WNK3: variants seen among roughly 807,000 people sequenced by gnomAD.
WNK3 encodes serine/threonine-protein kinase WNK3.
Under a neutral mutation model 116.7 loss-of-function variants are expected in WNK3, and 18 were observed. The observed-to-expected ratio is 0.15, with a 90% CI of 0.11 to 0.23. The LOEUF is 0.23. Ranked by LOEUF, WNK3 falls within the 10% of genes least tolerant of loss-of-function variation. The pLI is 1.00. For synonymous variants in WNK3, 404 were observed against 469.4 expected (o/e 0.86, Z 1.80); for missense variants, 993 against 1,323.8 (o/e 0.75, Z 3.88).
At chrX:54,270,582 T>A (rs1039692537) in intron 10 of WNK3, among the ~76,000 whole-genome samples, 8 of 108,678 alleles carry the variant, frequency 7.4e-5, no homozygotes, top group Admixed American at 4.0e-4. Context: ...TTTTTTTTTT[T>A]AATTTTAAGT....
intron 1 of WNK3, among the ~76,000 whole-genome samples, chrX:54,338,274 T>C (rs1230966948): frequency 9.1e-6 from 1 of 110,185 alleles, no homozygotes; most frequent in Non-Finnish European, 1.9e-5. Context: ...ATACAAAAAT[T>C]AGCCAGGTGT....
At chrX:54,257,094 T>C (rs1357414155) in intron 11 of WNK3, among the ~76,000 whole-genome samples, 1 of 111,555 alleles carries the variant, frequency 9.0e-6, no homozygotes, top group Admixed American at 9.6e-5. Context: ...AGTAACATCA[T>C]AGCAGCTTGG....
chrX:54,309,992 T>C (rs1433161622), intron 3 of WNK3, among the ~76,000 whole-genome samples: 1 of 110,719 alleles, frequency 9.0e-6, no homozygotes, highest in Non-Finnish European at 1.9e-5. Context: ...TATACACAAA[T>C]GTTAGGAAAC....
intron 10 of WNK3, among the ~76,000 whole-genome samples, chrX:54,285,761 T>C (rs1304119483): frequency 8.9e-6 from 1 of 112,161 alleles, no homozygotes; most frequent in East Asian, 2.8e-4. Flanking sequence ...TGGTTGGGGT[T>C]ACATAGGTGT....
intron 10 of WNK3, 67 bp downstream of exon 10, chrX:54,292,821 C>T: frequency 9.3e-7 from 1 of 1,071,210 alleles, no homozygotes; most frequent in South Asian, 2.2e-5. Flanking sequence ...GAACTTTTGC[C>T]TGTCAGAAAA....
intron 1 of WNK3, among the ~76,000 whole-genome samples, chrX:54,335,890 G>A (rs782451613): frequency 8.9e-6 from 1 of 111,890 alleles, no homozygotes; most frequent in African/African-American, 3.2e-5. Context: ...TACTACAAAG[G>A]TACAGTATTA....
chrX:54,350,105 T>C (rs782737033), intron 1 of WNK3, among the ~76,000 whole-genome samples: 11 of 111,434 alleles, frequency 9.9e-5, no homozygotes, highest in South Asian at 3.7e-4. Flanking sequence ...ATAAATTCCA[T>C]GTGGACTTAA....
intron 10 of WNK3, among the ~76,000 whole-genome samples, chrX:54,266,772 C>A (rs1305026369): frequency 1.8e-5 from 2 of 110,243 alleles, no homozygotes; most frequent in African/African-American, 3.3e-5. Context: ...ATGTGCTGAA[C>A]GTGCAGGTTT....
At chrX:54,215,399 C>G (rs1448327076) in intron 22 of WNK3, among the ~76,000 whole-genome samples, 1 of 112,573 alleles carries the variant, frequency 8.9e-6, no homozygotes, top group African/African-American at 3.2e-5. Context: ...CCGCGTTGGC[C>G]GGGCTGGTCT....
At chrX:54,320,834 C>T (rs1178526480) in intron 2 of WNK3, among the ~76,000 whole-genome samples, 1 of 110,692 alleles carries the variant, frequency 9.0e-6, no homozygotes, top group African/African-American at 3.3e-5. Flanking sequence ...TTTAACACTA[C>T]CATTTATTGA....
At chrX:54,232,851 G>A (rs1557149292) in exon 21 of WNK3, 1 of 1,211,373 alleles carries the variant, frequency 8.3e-7, no homozygotes, top group African/African-American at 1.7e-5. Flanking sequence ...AAGGACTGGG[G>A]GCGGCTTCGA....
intron 19 of WNK3, 112 bp from the exon 20 acceptor site, chrX:54,237,663 A>G: frequency 1.3e-6 from 1 of 745,704 alleles, no homozygotes; most frequent in Non-Finnish European, 1.8e-6. Flanking sequence ...TATACCCCCA[A>G]ATTCACTCTT....
intron 23 of WNK3, among the ~76,000 whole-genome samples, chrX:54,200,793 G>A (rs782735615): frequency 3.6e-5 from 4 of 111,556 alleles, no homozygotes; most frequent in Non-Finnish European, 5.6e-5. Flanking sequence ...CTCACTGGCA[G>A]TACAAATGCA....
At chrX:54,300,453 C>T (rs1414223505) in intron 6 of WNK3, among the ~76,000 whole-genome samples, 8 of 112,070 alleles carry the variant, frequency 7.1e-5, no homozygotes, top group South Asian at 3.7e-4. Context: ...AGCCACTACC[C>T]TCAACCTATT....
chrX:54,296,446 T>C (rs1557166341), intron 7 of WNK3, among the ~76,000 whole-genome samples: 1 of 110,929 alleles, frequency 9.0e-6, no homozygotes, highest in Non-Finnish European at 1.9e-5. Context: ...TGGAAAGGAC[T>C]GAAGAGTGGC....
intron 2 of WNK3, among the ~76,000 whole-genome samples, chrX:54,327,836 C>T (rs898452859): frequency 4.5e-5 from 5 of 110,690 alleles, no homozygotes; most frequent in Non-Finnish European, 9.4e-5. Flanking sequence ...GGCATGGTGA[C>T]ACACATCTGT....
chrX:54,264,062 G>A (rs989303078), intron 10 of WNK3, among the ~76,000 whole-genome samples: 1 of 107,404 alleles, frequency 9.3e-6, no homozygotes, highest in African/African-American at 3.4e-5. Context: ...GGCCAGGTGT[G>A]GTGGCTCATG....
intron 10 of WNK3, among the ~76,000 whole-genome samples, chrX:54,285,483 G>C (rs1390056939): frequency 1.8e-5 from 2 of 112,302 alleles, no homozygotes; most frequent in Non-Finnish European, 3.8e-5. Context: ...GGGCATGAGG[G>C]AACTTTCTGG....
rs891783425 is a variant in WNK3, at chrX:54,346,672, C to G, written c.-120+11014G>C. Among the ~76,000 whole-genome samples the G allele has an allele frequency of 3.7e-5, 4 of 109,240 alleles. No individual in the cohort carries two copies. In the South Asian group the frequency reaches 1.6e-3, roughly 42 times the overall value. 94.9% of individuals were successfully genotyped at this position (109,240 alleles called of 115,157 possible). ...GAGAAATCTGGAATCAAAGTTCTGC[C>G]TTTCAATCCTTGGAAGAGATTTCGG... On this transcript the variant is annotated intron_variant, in intron 1 of 23. Transcript: ENST00000354646.
Sources: allele counts gnomAD v4.1 joint callset (sites outside exome capture counted in the v4.1 genomes callset), GRCh38; gene constraint gnomAD v4.1.1; transcripts MANE v1.5; gene names NCBI Gene and HGNC (gene_info 2026-07-23, HGNC 2026-07-21).